The following DIP2B variants were observed in gnomAD, a reference collection of about 807,000 sequenced individuals.
DIP2B encodes the protein DIP2 acetate--CoA ligase B (putative).
In DIP2B, 76 loss-of-function variants were observed where a neutral mutation model predicts 198.0. That is an observed-to-expected ratio of 0.38 (90% CI 0.32 to 0.46). The LOEUF is 0.46. DIP2B is among the 20% of genes least tolerant of loss of function. The pLI, the probability that DIP2B is intolerant of heterozygous loss-of-function variation, is 0.99. For missense variants in DIP2B, 1,559 were observed against 1,978.4 expected, an observed-to-expected ratio of 0.79 and a Z score of 4.02; for synonymous variants, 701 against 739.1, an observed-to-expected ratio of 0.95 and a Z score of 0.84.
intron 2 of DIP2B, among the ~76,000 whole-genome samples, chr12:50,629,684 A>C (rs1938004390): frequency 6.6e-6 from 1 of 152,048 alleles, no homozygotes; most frequent in African/African-American, 2.4e-5. Context: ...ACATATCCAA[A>C]ATTTAAATTT....
At chr12:50,576,804 T>G (rs1958666102) in intron 1 of DIP2B, among the ~76,000 whole-genome samples, 1 of 152,076 alleles carries the variant, frequency 6.6e-6, no homozygotes, top group African/African-American at 2.4e-5. Flanking sequence ...ACAGAAAAAG[T>G]TAGGCTGCAT....
intron 3 of DIP2B, among the ~76,000 whole-genome samples, chr12:50,646,987 T>C (rs1938361628): frequency 6.7e-6 from 1 of 149,178 alleles, no homozygotes; most frequent in African/African-American, 2.5e-5. Context: ...AAATGTTAGA[T>C]TGATAGAGAA....
At chr12:50,508,851 C>G (rs1178103543) in intron 1 of DIP2B, among the ~76,000 whole-genome samples, 2 of 152,038 alleles carry the variant, frequency 1.3e-5, no homozygotes, top group African/African-American at 2.4e-5. Context: ...GGATTACAGG[C>G]ATGCGCCACC....
chr12:50,726,181 C>A (rs913534729), intron 28 of DIP2B, among the ~76,000 whole-genome samples: 3 of 152,142 alleles, frequency 2.0e-5, no homozygotes, highest in Non-Finnish European at 2.9e-5. Flanking sequence ...ATTTAAAACT[C>A]AGAGTCAGAC....
chr12:50,662,786 TA>T (rs796759909), intron 4 of DIP2B, among the ~76,000 whole-genome samples: 9 of 149,600 alleles, frequency 6.0e-5, no homozygotes, highest in East Asian at 1.9e-4. Context: ...TTAAAGTCTT[TA>T]AAAAAAAAAT....
At chr12:50,606,400 G>A (rs191426534) in intron 1 of DIP2B, among the ~76,000 whole-genome samples, 1 of 152,316 alleles carries the variant, frequency 6.6e-6, no homozygotes, top group Admixed American at 6.5e-5. Flanking sequence ...AGGATTACCA[G>A]CATGAGCCAC....
intron 14 of DIP2B, among the ~76,000 whole-genome samples, chr12:50,693,768 G>A (rs1939259695): frequency 6.6e-6 from 1 of 152,196 alleles, no homozygotes; most frequent in Non-Finnish European, 1.5e-5. Context: ...GAAGAATTGA[G>A]TTATAAACAC....
intron 2 of DIP2B, among the ~76,000 whole-genome samples, chr12:50,638,421 A>G (rs1377618855): frequency 6.6e-6 from 1 of 152,236 alleles, no homozygotes; most frequent in East Asian, 1.9e-4. Context: ...AGTTATAATT[A>G]TATTGTGTAC....
At position 50,723,310 on chromosome 12, in the gene DIP2B, G is replaced by A. The variant is rs758233968; in HGVS notation, c.3275G>A (p.Arg1092Gln). The A allele has an allele frequency of 2.1e-5, 34 of 1,614,010 alleles. No homozygotes were observed. The highest frequency in any genetic ancestry group is 2.5e-5 in the Non-Finnish European group (29 of 1,180,016). Residue 1092 changes from arginine (R) to glutamine (Q), a missense_variant, in exon 27 of 38, where the codon CGA becomes CAA. Coordinates refer to ENST00000301180, the MANE Select transcript of DIP2B (RefSeq NM_173602.3). Reference sequence around the variant, plus strand: ...CTCACGGCCACGCTGCCCACTGTCCGAATGATTGTTGATGTAAGTACCAGC... The same window carrying A: ...CTCACGGCCACGCTGCCCACTGTCCAAATGATTGTTGATGTAAGTACCAGC... ...QNLTATLPTV[R>Q]MIVDVSKAAC...
At chr12:50,693,134 T>C (rs1939249686) in intron 14 of DIP2B, 121 bp downstream of exon 14, 1 of 960,136 alleles carries the variant, frequency 1.0e-6, no homozygotes, top group African/African-American at 1.7e-5. Context: ...AGGTCAGTAA[T>C]ATTTTCCAGA....
intron 3 of DIP2B, among the ~76,000 whole-genome samples, chr12:50,652,931 A>G (rs565088602): frequency 2.0e-5 from 3 of 149,518 alleles, no homozygotes. Context: ...TTGTTAGTGT[A>G]TAGAAACACA....
intron 1 of DIP2B, among the ~76,000 whole-genome samples, chr12:50,593,092 C>T (rs1412580538): frequency 6.6e-6 from 1 of 152,204 alleles, no homozygotes; most frequent in Non-Finnish European, 1.5e-5. Context: ...CTTCTACAGC[C>T]TTTCTCATTG....
chr12:50,711,311 C>T (rs890778890), intron 22 of DIP2B, among the ~76,000 whole-genome samples: 1 of 152,172 alleles, frequency 6.6e-6, no homozygotes, highest in African/African-American at 2.4e-5. Context: ...ATAACATAAA[C>T]TAAATACCTA....
intron 8 of DIP2B, chr12:50,679,688 C>T (rs1322730041): frequency 6.6e-6 from 1 of 152,166 alleles, no homozygotes; most frequent in Non-Finnish European, 1.5e-5. Context: ...TAACATTCAC[C>T]TCAGAAGCTG....
intron 7 of DIP2B, among the ~76,000 whole-genome samples, chr12:50,677,441 C>T (rs1471278082): frequency 2.0e-5 from 3 of 152,018 alleles, no homozygotes; most frequent in Non-Finnish European, 1.5e-5. Flanking sequence ...ATAGTGAAAC[C>T]CCGTCTCTAC....
chr12:50,571,663 C>T lies in DIP2B; in HGVS notation c.101-54313C>T, dbSNP rs1958616133. Among the ~76,000 whole-genome samples the T allele has an allele frequency of 2.8e-5, 4 of 140,920 alleles. No homozygotes were observed. The South Asian group carries it at 9.5e-4, about 34-fold the overall frequency. 92.4% of individuals were successfully genotyped at this position (140,920 alleles called of 152,430 possible). A position where few individuals can be genotyped will look rare whatever the true frequency, so the allele number is the denominator to read the frequency against. ...CGCCTCCTGGGTTCAAGTGATTCTTCTGTCTCAGCCTCCCAAGTAACTGGG... is the reference window on the plus strand; with the variant it reads ...CGCCTCCTGGGTTCAAGTGATTCTTTTGTCTCAGCCTCCCAAGTAACTGGG... On this transcript the variant is annotated intron_variant, in intron 1 of 37. Transcript: ENST00000301180.
chr12:50,729,376 G>A (rs1460501261), intron 30 of DIP2B, among the ~76,000 whole-genome samples: 1 of 152,200 alleles, frequency 6.6e-6, no homozygotes, highest in Non-Finnish European at 1.5e-5. Flanking sequence ...ACACCTGTAT[G>A]TACATAAGAA....
intron 9 of DIP2B, among the ~76,000 whole-genome samples, chr12:50,682,842 T>C (rs1939067764): frequency 6.6e-6 from 1 of 152,172 alleles, no homozygotes; most frequent in Non-Finnish European, 1.5e-5. Context: ...ATTAACTTAA[T>C]GCTTAAGATG....
chr12:50,550,132 CT>C lies in DIP2B; in HGVS notation c.100+44893del, dbSNP rs1400443059. Among the ~76,000 whole-genome samples the C allele has an allele frequency of 5.3e-5, 8 of 152,274 alleles. No individual in the cohort carries two copies. In the South Asian group the frequency reaches 1.7e-3, roughly 32 times the overall value. On this transcript the variant is annotated intron_variant, in intron 1 of 37. Transcript: ENST00000301180. ...TGTCCAGTGAAGGAAAATGAAACGC[CT>C]AGAAACTGTGAATTTTGCTTTTTGG... is the stretch of plus-strand genomic sequence containing the variant.
Sources: allele counts gnomAD v4.1 joint callset (sites outside exome capture counted in the v4.1 genomes callset), GRCh38; gene constraint gnomAD v4.1.1; transcripts MANE v1.5; gene names NCBI Gene and HGNC (gene_info 2026-07-23, HGNC 2026-07-21).